EPHB2: variants seen among roughly 807,000 people sequenced by gnomAD.
EPHB2 encodes the protein EPH receptor B2.
A neutral mutation model predicts 96.4 loss-of-function variants in EPHB2; 18 were observed. The ratio of observed to expected loss-of-function variants is 0.19; its 90% confidence interval spans 0.13 to 0.28. The LOEUF (loss-of-function observed/expected upper bound fraction) is 0.28. Ranked by LOEUF, EPHB2 falls within the 10% of genes least tolerant of loss-of-function variation. EPHB2 has a pLI of 1.00. For missense variants in EPHB2, 989 were observed against 1,355.4 expected (o/e 0.73, Z 4.25); for synonymous variants, 506 against 534.1 (o/e 0.95, Z 0.72).
intron 3 of EPHB2, among the ~76,000 whole-genome samples, chr1:22,842,040 AC>A (rs1645476899): frequency 6.6e-6 from 1 of 152,152 alleles, no homozygotes. Flanking sequence ...TGGAGGAGCC[AC>A]ATGCCTGGGG....
Position 22,895,508 on chromosome 1 carries a change from T to G in EPHB2, c.1628T>G (p.Leu543Arg). ...ACAAGCATCCAGGAGAAGTTGCCAC[T>G]CATCATCGGCTCCTCGGCCGCTGGC... ...YQTSIQEKLPLIIGSSAAGLV... is the reference protein window; with the variant it reads ...YQTSIQEKLPRIIGSSAAGLV... The change falls in exon 8 of 16, where the codon CTC becomes CGC. Residue 543 changes from leucine (L) to arginine (R), a missense_variant. Coordinates refer to ENST00000374630, the MANE Select transcript of EPHB2 (RefSeq NM_017449.5). The G allele has an allele frequency of 6.2e-7, 1 of 1,614,234 alleles. No individual in the cohort carries two copies. The highest frequency in any genetic ancestry group is 1.1e-5 in the South Asian group (1 of 91,092).
In EPHB2 at chr1:22,830,840, C is replaced by G. The variant is rs148865770; in HGVS notation, c.812-32197C>G. Among the ~76,000 whole-genome samples the G allele has an allele frequency of 7.7e-3, 1,176 of 152,310 alleles. 11 individuals are homozygous for G. The highest frequency in any genetic ancestry group is 0.026 in the African/African-American group (1,090 of 41,566). On this transcript the variant is annotated intron_variant, in intron 3 of 15. Coordinates refer to ENST00000374630, the MANE Select transcript of EPHB2 (RefSeq NM_017449.5). ...AAAGTCCTAGAATTACAGGCATGAG[C>G]CACCGCACCCTGCCTCATATTCATT...
chr1:22,909,193 C>A lies in EPHB2; in HGVS notation c.2502+22C>A, dbSNP rs373415934. 189 of 1,614,018 alleles carry A rather than the reference C, an allele frequency of 1.2e-4. No individual in the cohort carries two copies. The African/African-American group carries it at 2.3e-3, about 20-fold the overall frequency. ...GGATGTAAGTCTCCAAGGGGATAGG[C>A]AAGGCCTCTCTGGCCCACCAGATGG... On this transcript the variant is annotated intron_variant, in intron 13 of 15. Transcript: ENST00000374630.
intron 3 of EPHB2, among the ~76,000 whole-genome samples, chr1:22,838,140 C>T (rs1170329406): frequency 6.6e-6 from 1 of 152,168 alleles, no homozygotes; most frequent in East Asian, 1.9e-4. Context: ...GTTTGAGTCC[C>T]AGATCTGTGT....
At chr1:22,797,713 C>A (rs1468364648) in intron 3 of EPHB2, among the ~76,000 whole-genome samples, 1 of 152,150 alleles carries the variant, frequency 6.6e-6, no homozygotes, top group Non-Finnish European at 1.5e-5. Context: ...TTAAGACTCC[C>A]CATCCTGCAC....
Position 22,847,798 on chromosome 1 carries a change from T to A in EPHB2, c.812-15239T>A, listed in dbSNP as rs112245844. 6.9e-3 allele frequency among the ~76,000 whole-genome samples: 1,040 copies of A among 150,904 alleles called. 11 individuals carry two copies. Among genetic ancestry groups the A allele is most frequent in the African/African-American group, 0.024 (981 of 41,082 alleles). On this transcript the variant is annotated intron_variant, in intron 3 of 15. Coordinates refer to ENST00000374630, the MANE Select transcript of EPHB2 (RefSeq NM_017449.5). The stretch of plus-strand genomic sequence containing the variant: ...CCTCGTGTCTGAACCCTTCCCCCCA[T>A]ACACCCTGTGCTCCAGTCCCTCCAT...
At chr1:22,910,618 T>TGCCCCAG (rs58906622) in intron 14 of EPHB2, 43 bp downstream of exon 14, 2 of 1,605,562 alleles carry the variant, frequency 1.2e-6, no homozygotes, top group African/African-American at 2.7e-5. Context: ...GCCCTGCCCC[T>TGCCCCAG]CTTCCCGTCT....
At chr1:22,893,499 G>C (rs1270338227) in intron 7 of EPHB2, among the ~76,000 whole-genome samples, 1 of 152,218 alleles carries the variant, frequency 6.6e-6, no homozygotes, top group Admixed American at 6.5e-5. Flanking sequence ...GTCTGCTCCA[G>C]GCAAGGGAAT....
chr1:22,755,264 C>T (rs1463037771), intron 1 of EPHB2, among the ~76,000 whole-genome samples: 1 of 152,136 alleles, frequency 6.6e-6, no homozygotes, highest in Admixed American at 6.5e-5. Flanking sequence ...AGGGACTTGG[C>T]GAGGGCGTGG....
chr1:22,912,930 C>T (rs1170228120), intron 15 of EPHB2: 3 of 386,572 alleles, frequency 7.8e-6, no homozygotes, highest in East Asian at 6.4e-5. Context: ...CACAGTGGCT[C>T]ATGCCTGTAA....
At chr1:22,728,251 G>T (rs1643628117) in intron 1 of EPHB2, among the ~76,000 whole-genome samples, 2 of 152,134 alleles carry the variant, frequency 1.3e-5, no homozygotes, top group South Asian at 4.1e-4. Context: ...AATGAATAAG[G>T]AATACATATG....
Position 22,784,898 on chromosome 1 carries a change from G to C in EPHB2, c.633G>C (p.Leu211=). The C allele has an allele frequency of 6.2e-7, 1 of 1,613,960 alleles. No homozygotes were observed. The highest frequency in any genetic ancestry group is 8.5e-7 in the Non-Finnish European group (1 of 1,180,042). ...ATGGCGCCATCTTCCAGGAAACCCT[G>C]TCGGGGGCTGAGAGCACATCGCTGG... ...IQNGAIFQET[L]SGAESTSLVA... Residue 211 remains leucine, a synonymous_variant, in exon 3 of 16, where the codon CTG becomes CTC. Coordinates refer to ENST00000374630, the MANE Select transcript of EPHB2 (RefSeq NM_017449.5). This position sits in a 1 kb window ranked among gnomAD's most constrained non-coding sequence, Gnocchi z 5.1.
At chr1:22,912,300 A>T in intron 14 of EPHB2, 144 bp from the exon 15 acceptor site, 1 of 1,166,626 alleles carries the variant, frequency 8.6e-7, no homozygotes, top group Non-Finnish European at 1.2e-6. Context: ...ATGCAGAAAT[A>T]CTCACGTACA....
intron 1 of EPHB2, among the ~76,000 whole-genome samples, chr1:22,746,627 G>C (rs1643978527): frequency 6.6e-6 from 1 of 152,162 alleles, no homozygotes; most frequent in Non-Finnish European, 1.5e-5. Flanking sequence ...TTCCATGATC[G>C]ACCACCTACT....
intron 5 of EPHB2, among the ~76,000 whole-genome samples, chr1:22,876,886 G>A (rs955239858): frequency 6.6e-6 from 1 of 152,178 alleles, no homozygotes; most frequent in Middle Eastern, 3.2e-3. Flanking sequence ...GGGGTTACAG[G>A]GCTTATGGGA....
Position 22,901,387 on chromosome 1 carries a change from G to A in EPHB2, c.1766-4600G>A, listed in dbSNP as rs1639742351. Among the ~76,000 whole-genome samples the A allele has an allele frequency of 2.0e-5, 3 of 152,292 alleles. No homozygotes were observed. In the South Asian group the frequency reaches 6.2e-4, roughly 32 times the overall value. ...TGGATCAACACAGTGGTTGATCCTG[G>A]CTTCAAACTCACAAAGCAGCTGATT... On this transcript the variant is annotated intron_variant, in intron 9 of 15. Transcript: ENST00000374630.
intron 6 of EPHB2, among the ~76,000 whole-genome samples, chr1:22,887,300 G>A (rs1174340488): frequency 1.3e-5 from 2 of 152,138 alleles, no homozygotes; most frequent in East Asian, 3.9e-4. Flanking sequence ...TAGGCTGCAG[G>A]TGGTAGGATT....
intron 3 of EPHB2, among the ~76,000 whole-genome samples, chr1:22,786,688 G>A (rs1308365369): frequency 6.6e-6 from 1 of 152,204 alleles, no homozygotes; most frequent in Non-Finnish European, 1.5e-5. Flanking sequence ...AGCCTGGAGT[G>A]GGGCATCCAC....
intron 3 of EPHB2, among the ~76,000 whole-genome samples, chr1:22,834,499 A>G (rs1003717046): frequency 2.8e-4 from 42 of 152,302 alleles, no homozygotes; most frequent in African/African-American, 9.9e-4. Context: ...GAAAGTTAAA[A>G]TTTTAGCCTT....
Sources: gnomAD v4.1 joint callset for allele counts (sites outside exome capture counted in the v4.1 genomes callset) on GRCh38, gnomAD v4.1.1 for gene constraint, Gnocchi (gnomAD v3.1) non-coding constraint, MANE v1.5 for transcripts, NCBI Gene and HGNC (gene_info 2026-07-23, HGNC 2026-07-21) for gene names.